The following AGBL4 variants were observed in gnomAD, a reference collection of about 807,000 sequenced individuals.
AGBL4 encodes cytosolic carboxypeptidase 6.
In AGBL4, 58 loss-of-function variants were observed where a neutral mutation model predicts 66.4. The observed-to-expected ratio is 0.87, with a 90% confidence interval of 0.71 to 1.09. AGBL4 has a LOEUF of 1.09. Among genes scored for constraint, AGBL4 ranks in the 50% least tolerant of loss-of-function variants. The pLI, the probability that AGBL4 is intolerant of heterozygous loss-of-function variation, is 0.00. For missense variants in AGBL4, 579 were observed against 631.0 expected, an observed-to-expected ratio of 0.92 and a Z score of 0.88; for synonymous variants, 234 against 222.9, an observed-to-expected ratio of 1.05 and a Z score of -0.44.
At chr1:49,186,718 T>C (rs913442668) in intron 4 of AGBL4, among the ~76,000 whole-genome samples, 1 of 152,144 alleles carries the variant, frequency 6.6e-6, no homozygotes, top group Admixed American at 6.6e-5. Flanking sequence ...GGACAAACAT[T>C]TTACTCAGCC....
At chr1:49,939,029 A>G (rs1300788134) in intron 1 of AGBL4, among the ~76,000 whole-genome samples, 1 of 152,072 alleles carries the variant, frequency 6.6e-6, no homozygotes, top group East Asian at 1.9e-4. Flanking sequence ...TCAATGTACA[A>G]AAATCACAAG....
intron 5 of AGBL4, among the ~76,000 whole-genome samples, chr1:48,996,191 C>G (rs1660979874): frequency 6.6e-6 from 1 of 152,148 alleles, no homozygotes; most frequent in Admixed American, 6.5e-5. Flanking sequence ...TTCATTTTGA[C>G]TTGCCTATTT....
At chr1:49,936,904 A>G (rs1002005045) in intron 1 of AGBL4, among the ~76,000 whole-genome samples, 3 of 152,224 alleles carry the variant, frequency 2.0e-5, no homozygotes, top group Non-Finnish European at 2.9e-5. Context: ...TATACAGACC[A>G]TCGAGGCTAG....
chr1:49,506,268 C>T (rs1021250535), intron 3 of AGBL4, among the ~76,000 whole-genome samples: 1 of 151,982 alleles, frequency 6.6e-6, no homozygotes, highest in Non-Finnish European at 1.5e-5. Context: ...AAATTTTTCA[C>T]AAAATCTTTT....
intron 3 of AGBL4, among the ~76,000 whole-genome samples, chr1:49,407,013 C>A (rs961877483): frequency 7.6e-6 from 1 of 132,296 alleles, no homozygotes; most frequent in African/African-American, 3.0e-5. Flanking sequence ...TGCAGTGAGC[C>A]GAGATAACGC....
At chr1:48,565,268 T>C (rs1381216267) in intron 11 of AGBL4, among the ~76,000 whole-genome samples, 1 of 152,088 alleles carries the variant, frequency 6.6e-6, no homozygotes, top group Non-Finnish European at 1.5e-5. Context: ...GGGGTCTGAA[T>C]GGCTGGACTC....
At chr1:48,590,618 T>G (rs904841822) in intron 10 of AGBL4, among the ~76,000 whole-genome samples, 1 of 152,044 alleles carries the variant, frequency 6.6e-6, no homozygotes, top group Non-Finnish European at 1.5e-5. Context: ...CCAGCCAAAA[T>G]GCTACCTTCT....
intron 3 of AGBL4, among the ~76,000 whole-genome samples, chr1:49,521,137 G>A (rs1280498628): frequency 1.3e-5 from 2 of 151,980 alleles, no homozygotes; most frequent in East Asian, 1.9e-4. Context: ...CATTTATAAC[G>A]TACATTTATA....
At chr1:49,466,023 T>A (rs779342908) in intron 3 of AGBL4, among the ~76,000 whole-genome samples, 1 of 151,874 alleles carries the variant, frequency 6.6e-6, no homozygotes, top group Admixed American at 6.6e-5. Context: ...GCAAGGCCCA[T>A]GGTAGAGTAG....
chr1:49,407,845 C>G (rs1645236381), intron 3 of AGBL4, among the ~76,000 whole-genome samples: 1 of 152,170 alleles, frequency 6.6e-6, no homozygotes, highest in African/African-American at 2.4e-5. Flanking sequence ...ATAGTCAGAA[C>G]ACATCAAAAT....
intron 3 of AGBL4, among the ~76,000 whole-genome samples, chr1:49,382,627 CTTCTA>C (rs1644646044): frequency 6.6e-6 from 1 of 152,046 alleles, no homozygotes; most frequent in South Asian, 2.1e-4. Flanking sequence ...ACTCTTGCCA[CTTCTA>C]TTCAATACAG....
chr1:48,533,848 A>C lies in AGBL4; in HGVS notation c.*325T>G, dbSNP rs912287133. ...ATGTAAAGTGGCTTTGAAAGAACTG[A>C]CCTGATATGTGTCAAATCTCTTAAA... On this transcript the variant is annotated 3_prime_UTR_variant, in exon 14 of 14. Coordinates refer to ENST00000371839, the MANE Select transcript of AGBL4 (RefSeq NM_032785.4). 6 of 350,730 alleles carry C rather than the reference A, an allele frequency of 1.7e-5. No individual in the cohort carries two copies. In the Admixed American group the frequency reaches 1.7e-4, roughly 10 times the overall value. The allele number at this position is 350,730 out of a possible 1,614,324, so 21.7% of individuals were successfully genotyped here.
chr1:49,998,510 AAAG>A (rs1325637532), intron 1 of AGBL4, among the ~76,000 whole-genome samples: 1 of 152,192 alleles, frequency 6.6e-6, no homozygotes, highest in African/African-American at 2.4e-5. Context: ...TCAGACATTC[AAAG>A]AAGAATTGGT....
chr1:48,693,736 G>A lies in AGBL4; in HGVS notation c.635-30495C>T, dbSNP rs185765210. On this transcript the variant is annotated intron_variant, in intron 6 of 13. Transcript: ENST00000371839. Reference sequence around the variant, plus strand: ...TTCTCGGTCACTTCACAGAACAGCCGTGGACCCCAAAACATAAAACCCCTT... The same window carrying A: ...TTCTCGGTCACTTCACAGAACAGCCATGGACCCCAAAACATAAAACCCCTT... Among the ~76,000 whole-genome samples the A allele has an allele frequency of 1.1e-3, 160 of 152,292 alleles. 1 individual carries two copies. The highest frequency in any genetic ancestry group is 8.5e-3 in the South Asian group (41 of 4,824).
chr1:49,017,971 C>T (rs941823996), intron 5 of AGBL4, among the ~76,000 whole-genome samples: 7 of 152,172 alleles, frequency 4.6e-5, no homozygotes, highest in Non-Finnish European at 1.0e-4. Context: ...TTGTTTCATT[C>T]CCCTTCACCA....
chr1:48,974,456 T>A (rs554094260), intron 5 of AGBL4, among the ~76,000 whole-genome samples: 2 of 152,264 alleles, frequency 1.3e-5, no homozygotes, highest in Non-Finnish European at 2.9e-5. Flanking sequence ...GGGAGAAGTG[T>A]ACAACTTAGT....
At chr1:49,033,443 C>A (rs544402159) in intron 5 of AGBL4, among the ~76,000 whole-genome samples, 2 of 151,990 alleles carry the variant, frequency 1.3e-5, no homozygotes, top group Admixed American at 1.3e-4. Context: ...TATATCAAGG[C>A]GGAAAAAGAA....
At chr1:48,534,795 A>C in intron 13 of AGBL4, 95 bp downstream of exon 13, 1 of 1,291,050 alleles carries the variant, frequency 7.7e-7, no homozygotes, top group East Asian at 2.5e-5. Context: ...AGCCTTGCTA[A>C]CATAACAAGG....
intron 6 of AGBL4, among the ~76,000 whole-genome samples, chr1:48,756,820 G>A (rs557845373): frequency 1.3e-5 from 2 of 152,274 alleles, no homozygotes; most frequent in South Asian, 4.1e-4. Flanking sequence ...GATAGGGTGG[G>A]TGGTCTATGC....
Sources: allele counts gnomAD v4.1 joint callset (sites outside exome capture counted in the v4.1 genomes callset), GRCh38; gene constraint gnomAD v4.1.1; transcripts MANE v1.5; gene names NCBI Gene and HGNC (gene_info 2026-07-23, HGNC 2026-07-21).